The following LINGO2 variants were observed in gnomAD, a reference collection of about 807,000 sequenced individuals.
LINGO2 encodes leucine-rich repeat and immunoglobulin-like domain-containing nogo receptor-interacting protein 2.
Under a neutral mutation model 30.6 loss-of-function variants are expected in LINGO2, and 14 were observed. That is an observed-to-expected ratio of 0.46 (90% CI 0.30 to 0.72). The LOEUF is 0.72. Among genes scored for constraint, LINGO2 ranks in the 30% least tolerant of loss-of-function variants. LINGO2 has a pLI of 0.07. For synonymous variants in LINGO2, 317 were observed against 288.5 expected (o/e 1.10, Z -1.00); for missense variants, 729 against 751.7 (o/e 0.97, Z 0.35).
the LINGO2 span, among the ~76,000 whole-genome samples, chr9:28,769,489 TATATATATATATATATATATATATATATA>T: frequency 0.016 from 98 of 6,174 alleles, 3 homozygotes; most frequent in African/African-American, 0.048. Flanking sequence ...TATATATATA[TATATATATATATATATATATATATATATA>T]TTTTTTTTTT....
At chr9:29,029,572 G>C in the LINGO2 span, among the ~76,000 whole-genome samples, 1 of 152,080 alleles carries the variant, frequency 6.6e-6, no homozygotes, top group Non-Finnish European at 1.5e-5. Context: ...CTTCTTGTTT[G>C]ATAGAGGATG....
intron 1 of LINGO2, among the ~76,000 whole-genome samples, chr9:28,634,959 G>A (rs1049968620): frequency 3.3e-5 from 5 of 152,108 alleles, no homozygotes; most frequent in African/African-American, 1.2e-4. Context: ...GATTCTAGTT[G>A]AAACATTAGA....
At chr9:29,040,307 A>G in the LINGO2 span, among the ~76,000 whole-genome samples, 1 of 152,118 alleles carries the variant, frequency 6.6e-6, no homozygotes, top group African/African-American at 2.4e-5. Context: ...AATCTTTATA[A>G]TACATATAAT....
chr9:28,298,712 T>C (rs2134198136), intron 3 of LINGO2, among the ~76,000 whole-genome samples: 1 of 151,958 alleles, frequency 6.6e-6, no homozygotes, highest in African/African-American at 2.4e-5. Context: ...AGAATGAATG[T>C]ATTTTCTTGT....
the LINGO2 span, among the ~76,000 whole-genome samples, chr9:29,039,276 T>G: frequency 6.6e-6 from 1 of 152,098 alleles, no homozygotes; most frequent in Admixed American, 6.6e-5. Flanking sequence ...GAATTTCAGT[T>G]TGTTTTAGAT....
At chr9:29,101,854 T>C in the LINGO2 span, among the ~76,000 whole-genome samples, 8 of 152,320 alleles carry the variant, frequency 5.3e-5, no homozygotes, top group Admixed American at 5.2e-4. Flanking sequence ...CTGTTGTGAA[T>C]AGTGCTGCAA....
At chr9:28,811,889 G>C in the LINGO2 span, among the ~76,000 whole-genome samples, 27,745 of 151,884 alleles carry the variant, frequency 0.18, 2,724 homozygotes, top group East Asian at 0.33. Flanking sequence ...AAATCCATGA[G>C]AGCAAGGAAC....
chr9:28,526,639 G>A (rs1337767957), intron 1 of LINGO2, among the ~76,000 whole-genome samples: 1 of 152,128 alleles, frequency 6.6e-6, no homozygotes, highest in African/African-American at 2.4e-5. Context: ...TAAGGTAATA[G>A]AGGCTGAAAA....
intron 5 of LINGO2, among the ~76,000 whole-genome samples, chr9:27,986,507 G>T (rs1021475171): frequency 2.6e-5 from 4 of 151,768 alleles, no homozygotes; most frequent in Non-Finnish European, 4.4e-5. Flanking sequence ...GCCTTTAGGA[G>T]TGGGACTTCC....
chr9:27,971,333 T>C (rs559486616), intron 5 of LINGO2, among the ~76,000 whole-genome samples: 30 of 152,232 alleles, frequency 2.0e-4, no homozygotes, highest in African/African-American at 7.0e-4. Context: ...GGCCAACATA[T>C]TATAAAATGA....
chr9:28,795,880 A>G, the LINGO2 span, among the ~76,000 whole-genome samples: 2 of 151,912 alleles, frequency 1.3e-5, no homozygotes, highest in Admixed American at 6.6e-5. Flanking sequence ...AGCTCTTTCT[A>G]TTATGCCTGT....
At chr9:28,885,470 T>TAC in the LINGO2 span, among the ~76,000 whole-genome samples, 80,883 of 144,116 alleles carry the variant, frequency 0.56, 23,704 homozygotes, top group Non-Finnish European at 0.66. Context: ...CATATATATA[T>TAC]ACATACATAT....
chr9:27,962,058 A>G (rs1587548046), intron 5 of LINGO2, among the ~76,000 whole-genome samples: 1 of 152,160 alleles, frequency 6.6e-6, no homozygotes, highest in African/African-American at 2.4e-5. Context: ...AAAGAATATT[A>G]TTTTGTAATA....
chr9:28,513,867 T>C (rs1218700967), intron 1 of LINGO2, among the ~76,000 whole-genome samples: 1 of 152,260 alleles, frequency 6.6e-6, no homozygotes, highest in Non-Finnish European at 1.5e-5. Context: ...CATATCTTTT[T>C]ATTGTGCTTT....
chr9:27,991,692 C>A (rs1821406328), intron 5 of LINGO2, among the ~76,000 whole-genome samples: 1 of 152,050 alleles, frequency 6.6e-6, no homozygotes, highest in Admixed American at 6.6e-5. Flanking sequence ...ATTTGGCAGC[C>A]ATTGCCACTA....
the LINGO2 span, among the ~76,000 whole-genome samples, chr9:29,034,441 G>A: frequency 1.3e-5 from 2 of 152,150 alleles, no homozygotes; most frequent in Admixed American, 1.3e-4. Flanking sequence ...TGGACAAGTG[G>A]CCCAGCAAAC....
At chr9:28,515,285 C>A (rs1820577266) in intron 1 of LINGO2, among the ~76,000 whole-genome samples, 6 of 147,872 alleles carry the variant, frequency 4.1e-5, no homozygotes, top group Admixed American at 2.8e-4. Context: ...CGGCTCACTG[C>A]AAGCTCCGCC....
At chr9:28,238,023 A>G (rs1564066391) in intron 4 of LINGO2, among the ~76,000 whole-genome samples, 1 of 152,198 alleles carries the variant, frequency 6.6e-6, no homozygotes, top group Non-Finnish European at 1.5e-5. Context: ...GAAACTGTAA[A>G]AAGAGATAAA....
chr9:29,111,806 A>G, the LINGO2 span, among the ~76,000 whole-genome samples: 1 of 104,442 alleles, frequency 9.6e-6, no homozygotes, highest in East Asian at 2.5e-4. Context: ...GTATGGGCTA[A>G]TTTCAGATTT....
Sources: gnomAD v4.1 joint callset for allele counts (sites outside exome capture counted in the v4.1 genomes callset) on GRCh38, gnomAD v4.1.1 for gene constraint, MANE v1.5 for transcripts, NCBI Gene and HGNC (gene_info 2026-07-23, HGNC 2026-07-21) for gene names.